CUL1: variants seen among roughly 807,000 people sequenced by gnomAD.
The protein encoded by CUL1 is cullin-1.
A neutral mutation model predicts 118.0 loss-of-function variants in CUL1; 24 were observed. The ratio of observed to expected loss-of-function variants is 0.20; its 90% CI spans 0.15 to 0.29. CUL1 has a LOEUF of 0.29. Ranked by LOEUF, CUL1 falls within the 10% of genes least tolerant of loss-of-function variation. The pLI is 1.00. For synonymous variants in CUL1, 332 were observed against 340.4 expected (o/e 0.98, Z 0.27); for missense variants, 361 against 933.8 (o/e 0.39, Z 7.99).
intron 9 of CUL1, among the ~76,000 whole-genome samples, chr7:148,772,307 C>G (rs1800239290): frequency 6.6e-6 from 1 of 152,044 alleles, no homozygotes; most frequent in Admixed American, 6.6e-5. Flanking sequence ...CCCAGCTACT[C>G]CAGAGGCTGA....
intron 9 of CUL1, among the ~76,000 whole-genome samples, chr7:148,769,468 G>A (rs1312548847): frequency 6.8e-6 from 1 of 147,112 alleles, no homozygotes; most frequent in Non-Finnish European, 1.5e-5. Context: ...ACCCTCCTGT[G>A]ATTCAGAAGG....
chr7:148,786,848 G>A (rs865903852), intron 12 of CUL1, 141 bp from the exon 13 acceptor site: 10 of 1,107,144 alleles, frequency 9.0e-6, no homozygotes, highest in Middle Eastern at 3.1e-4. Flanking sequence ...TGGAGATTTT[G>A]CCATCATAAA....
At chr7:148,756,046 G>A (rs1275583416) in intron 3 of CUL1, among the ~76,000 whole-genome samples, 1 of 152,114 alleles carries the variant, frequency 6.6e-6, no homozygotes, top group Non-Finnish European at 1.5e-5. Flanking sequence ...TAAAGGGTAA[G>A]GTTTACTTTG....
At chr7:148,699,494 A>C (rs957875897) in intron 1 of CUL1, among the ~76,000 whole-genome samples, 81 of 151,852 alleles carry the variant, frequency 5.3e-4, no homozygotes, top group African/African-American at 1.9e-3. Context: ...CCTCGCGCCC[A>C]CGCTTCTTCC....
chr7:148,799,417 C>T (rs190090778), intron 21 of CUL1, 29 bp downstream of exon 21: 2 of 1,408,870 alleles, frequency 1.4e-6, no homozygotes, highest in South Asian at 2.4e-5. Context: ...CAGTCACATT[C>T]CTTTCTTAAT....
At chr7:148,775,045 G>C (rs987741323) in intron 9 of CUL1, among the ~76,000 whole-genome samples, 1 of 152,096 alleles carries the variant, frequency 6.6e-6, no homozygotes, top group Admixed American at 6.5e-5. Flanking sequence ...AAAAAGTTCT[G>C]TGATTTAGAT....
intron 2 of CUL1, among the ~76,000 whole-genome samples, chr7:148,746,506 C>A (rs1010386870): frequency 3.3e-5 from 5 of 152,166 alleles, no homozygotes; most frequent in Admixed American, 1.3e-4. Context: ...AGGAGAAAAT[C>A]CTAGAATTAG....
intron 11 of CUL1, among the ~76,000 whole-genome samples, chr7:148,785,557 T>G (rs1482719292): frequency 6.7e-6 from 1 of 149,668 alleles, no homozygotes; most frequent in African/African-American, 2.5e-5. Flanking sequence ...AGAGACAGGG[T>G]TTCACCATGT....
At chr7:148,729,900 G>C (rs1241137567) in intron 1 of CUL1, 62 bp from the exon 2 acceptor site, 1 of 470,870 alleles carries the variant, frequency 2.1e-6, no homozygotes, top group Admixed American at 3.9e-5. Flanking sequence ...TTCTGTCAGT[G>C]TGTCTCACCT....
intron 1 of CUL1, among the ~76,000 whole-genome samples, chr7:148,712,651 G>A (rs985842738): frequency 2.0e-5 from 3 of 152,160 alleles, no homozygotes; most frequent in Non-Finnish European, 4.4e-5. Flanking sequence ...CGTGTGTCAA[G>A]GACTCTGCTA....
chr7:148,793,651 AT>A (rs1801091533), intron 17 of CUL1, among the ~76,000 whole-genome samples: 1 of 152,242 alleles, frequency 6.6e-6, no homozygotes, highest in Admixed American at 6.5e-5. Context: ...TGGTCGAATA[AT>A]CCAATGTATA....
rs1165016693 is a variant in CUL1, at chr7:148,787,552, C to T, written c.1479+432C>T. Among the ~76,000 whole-genome samples the T allele has an allele frequency of 6.6e-6, 1 of 152,192 alleles. No homozygotes were observed. The highest frequency in any genetic ancestry group is 2.4e-5 in the African/African-American group (1 of 41,450). On this transcript the variant is annotated intron_variant, in intron 13 of 21. Transcript: ENST00000325222. This position sits in a 1 kb window ranked among gnomAD's most constrained non-coding sequence, Gnocchi z 5.5. Reference sequence around the variant, plus strand: ...GTTTGTACAAGAAGCTCTGCCACTGCTCTTCTGAAAGCCTCCCACAACTAT... The same window carrying T: ...GTTTGTACAAGAAGCTCTGCCACTGTTCTTCTGAAAGCCTCCCACAACTAT...
At chr7:148,707,801 T>C (rs76639893) in intron 1 of CUL1, among the ~76,000 whole-genome samples, 4,800 of 152,326 alleles carry the variant, frequency 0.032, 223 homozygotes, top group African/African-American at 0.1. Flanking sequence ...ATCTCAATAC[T>C]TCTCTTGAAG....
intron 1 of CUL1, among the ~76,000 whole-genome samples, chr7:148,717,331 A>G (rs1284004075): frequency 1.3e-5 from 2 of 152,190 alleles, no homozygotes; most frequent in African/African-American, 2.4e-5. Context: ...TGCTAGGATT[A>G]CAGGCTACCA....
chr7:148,751,456 T>C (rs1047428677), intron 2 of CUL1, among the ~76,000 whole-genome samples: 2 of 140,672 alleles, frequency 1.4e-5, no homozygotes, highest in African/African-American at 5.5e-5. Context: ...AATCGCTTGA[T>C]CCCGGGAGGC....
At position 148,749,042 on chromosome 7, in the gene CUL1, A is replaced by G. The variant is rs753807147; in HGVS notation, c.141-4934A>G. Among the ~76,000 whole-genome samples the G allele has an allele frequency of 1.3e-4, 20 of 152,220 alleles. No homozygotes were observed. The South Asian group carries it at 1.4e-3, about 11-fold the overall frequency. On this transcript the variant is annotated intron_variant, in intron 2 of 21. Transcript: ENST00000325222. ...TTTCCATGTAGTATGAACATTTTAT[A>G]TAAGTATTTTAAATGCTTATTTAAA...
At chr7:148,697,906 A>C (rs546131921), upstream of CUL1, 6 of 152,288 alleles carry the variant, frequency 3.9e-5, no homozygotes, top group Non-Finnish European at 8.8e-5. Context: ...AGTACACGTG[A>C]AAACAATACT....
chr7:148,748,376 C>T (rs1013826137), intron 2 of CUL1, among the ~76,000 whole-genome samples: 30 of 151,480 alleles, frequency 2.0e-4, no homozygotes, highest in Non-Finnish European at 1.2e-4. Context: ...AAATTCCAAC[C>T]GAAAGGTATA....
chr7:148,712,507 G>A (rs968286823), intron 1 of CUL1, among the ~76,000 whole-genome samples: 2 of 152,166 alleles, frequency 1.3e-5, no homozygotes, highest in East Asian at 1.9e-4. Flanking sequence ...GAGTTTTCAG[G>A]TAACGTTAAT....
Sources: gnomAD v4.1 joint callset for allele counts (sites outside exome capture counted in the v4.1 genomes callset) on GRCh38, gnomAD v4.1.1 for gene constraint, Gnocchi (gnomAD v3.1) non-coding constraint, MANE v1.5 for transcripts, NCBI Gene and HGNC (gene_info 2026-07-23, HGNC 2026-07-21) for gene names.